Variants in SUPT3H observed in about 807,000 individuals in gnomAD.
SUPT3H encodes the protein SPT3 homolog, SAGA and STAGA complex component, also known as transcription initiation protein SPT3 homolog.
In SUPT3H, 44 loss-of-function variants were observed where a neutral mutation model predicts 44.3. The ratio of observed to expected loss-of-function variants is 0.99; its 90% CI spans 0.78 to 1.28. SUPT3H has a LOEUF of 1.28. Among genes scored for constraint, SUPT3H ranks in the 50% most tolerant of loss-of-function variants. The pLI, the probability that SUPT3H is intolerant of heterozygous loss-of-function variation, is 0.00. For missense variants in SUPT3H, 380 were observed against 387.1 expected (o/e 0.98, Z 0.15); for synonymous variants, 124 against 125.6 (o/e 0.99, Z 0.09).
chr6:45,274,285 A>C (rs1041751545), intron 2 of SUPT3H, among the ~76,000 whole-genome samples: 11 of 152,216 alleles, frequency 7.2e-5, no homozygotes, highest in Admixed American at 7.2e-4. Flanking sequence ...AAAAACTTTT[A>C]ATTACAATGA....
In SUPT3H at chr6:45,328,169, G is replaced by C. The variant is rs1199866410; in HGVS notation, c.101+37032C>G. ...AAGCCTTTTGTGAGAGAAAGAGAGAGAGAGAAAGAGCAAGGGGGAAAAGCC... is the reference window on the plus strand; with the variant it reads ...AAGCCTTTTGTGAGAGAAAGAGAGACAGAGAAAGAGCAAGGGGGAAAAGCC... On this transcript the variant is annotated intron_variant, in intron 2 of 10. Transcript: ENST00000371459. 7 of 765,120 alleles carry C rather than the reference G, an allele frequency of 9.1e-6. No individual in the cohort carries two copies. In the African/African-American group the frequency reaches 9.2e-5, roughly 10 times the overall value. 47.4% of individuals were successfully genotyped at this position (765,120 alleles called of 1,614,324 possible).
chr6:44,984,591 T>A (rs964523836), intron 6 of SUPT3H, among the ~76,000 whole-genome samples: 2 of 152,150 alleles, frequency 1.3e-5, no homozygotes, highest in Non-Finnish European at 1.5e-5. Context: ...AGTCTCTACA[T>A]GAATCCATGA....
chr6:44,815,328 TAA>T (rs1457224088), intron 11 of SUPT3H, among the ~76,000 whole-genome samples: 1 of 152,208 alleles, frequency 6.6e-6, no homozygotes, highest in Non-Finnish European at 1.5e-5. Context: ...ATGATGAGGA[TAA>T]GATTGTAGAT....
At chr6:45,061,136 T>C (rs1036070353) in intron 3 of SUPT3H, among the ~76,000 whole-genome samples, 2 of 152,112 alleles carry the variant, frequency 1.3e-5, no homozygotes, top group East Asian at 1.9e-4. Context: ...ATTATAAAGA[T>C]ACATGCATGT....
intron 5 of SUPT3H, among the ~76,000 whole-genome samples, chr6:45,010,690 A>C (rs1252696733): frequency 6.6e-6 from 1 of 152,096 alleles, no homozygotes; most frequent in Non-Finnish European, 1.5e-5. Flanking sequence ...AGAAGAAACA[A>C]ACTTTCTTGT....
chr6:44,952,543 C>G (rs939040950), intron 9 of SUPT3H, among the ~76,000 whole-genome samples: 1 of 152,244 alleles, frequency 6.6e-6, no homozygotes, highest in African/African-American at 2.4e-5. Context: ...TACTTCACAA[C>G]TCTACATGTA....
chr6:45,108,914 T>C (rs1799670893), intron 2 of SUPT3H, among the ~76,000 whole-genome samples: 1 of 152,108 alleles, frequency 6.6e-6, no homozygotes, highest in African/African-American at 2.4e-5. Flanking sequence ...AATATGAGTA[T>C]CTACATAGAA....
At chr6:45,243,839 T>C (rs1770844213) in intron 2 of SUPT3H, among the ~76,000 whole-genome samples, 1 of 152,214 alleles carries the variant, frequency 6.6e-6, no homozygotes, top group Non-Finnish European at 1.5e-5. Context: ...CTGTATCAGA[T>C]TACAATATAC....
intron 10 of SUPT3H, among the ~76,000 whole-genome samples, chr6:44,901,458 A>G (rs1412049702): frequency 6.6e-6 from 1 of 152,200 alleles, no homozygotes; most frequent in African/African-American, 2.4e-5. Flanking sequence ...TGAAGCGAGA[A>G]GAGAAGTTTA....
chr6:45,284,543 G>A (rs867097890), intron 2 of SUPT3H, among the ~76,000 whole-genome samples: 1 of 152,086 alleles, frequency 6.6e-6, no homozygotes, highest in Non-Finnish European at 1.5e-5. Context: ...GACTAAACGA[G>A]GAAGAAGTTG....
At chr6:45,016,506 A>T (rs1240777454) in intron 4 of SUPT3H, among the ~76,000 whole-genome samples, 1 of 68,504 alleles carries the variant, frequency 1.5e-5, no homozygotes, top group Non-Finnish European at 2.6e-5. Flanking sequence ...CCCCCACCCC[A>T]CAACAGTCCC....
intron 2 of SUPT3H, among the ~76,000 whole-genome samples, chr6:45,120,439 AAAG>A (rs1801487243): frequency 6.7e-6 from 1 of 148,596 alleles, no homozygotes; most frequent in Non-Finnish European, 1.5e-5. Flanking sequence ...AAAAAAAAAA[AAAG>A]ACTATATAAG....
At chr6:45,137,941 A>T (rs1804576872) in intron 2 of SUPT3H, among the ~76,000 whole-genome samples, 3 of 152,072 alleles carry the variant, frequency 2.0e-5, no homozygotes. Flanking sequence ...TGCCAAAAAG[A>T]GGGAGAAATT....
intron 6 of SUPT3H, among the ~76,000 whole-genome samples, chr6:44,997,042 G>T (rs995224977): frequency 1.1e-4 from 17 of 151,790 alleles, no homozygotes; most frequent in African/African-American, 4.1e-4. Flanking sequence ...TAGTTTCATG[G>T]AATCTTATAT....
intron 3 of SUPT3H, among the ~76,000 whole-genome samples, chr6:45,094,682 AT>A (rs1018897512): frequency 2.6e-5 from 4 of 152,010 alleles, no homozygotes; most frequent in African/African-American, 9.7e-5. Context: ...GTTACTTATT[AT>A]TTTTTTAAAA....
At chr6:45,107,240 A>C (rs1799409025) in intron 2 of SUPT3H, among the ~76,000 whole-genome samples, 1 of 152,226 alleles carries the variant, frequency 6.6e-6, no homozygotes, top group African/African-American at 2.4e-5. Flanking sequence ...GATGAAAAAA[A>C]GAGTTCTATA....
intron 11 of SUPT3H, among the ~76,000 whole-genome samples, chr6:44,812,074 T>C (rs553785951): frequency 6.6e-6 from 1 of 152,240 alleles, no homozygotes; most frequent in Non-Finnish European, 1.5e-5. Context: ...AAAATACAAA[T>C]GCAGTTGTGT....
chr6:44,886,507 C>T (rs1762317703), intron 10 of SUPT3H, among the ~76,000 whole-genome samples: 1 of 152,168 alleles, frequency 6.6e-6, no homozygotes, highest in Non-Finnish European at 1.5e-5. Context: ...ATTTCATATA[C>T]AGCCAAACTA....
At chr6:45,181,627 A>C (rs1813214828) in intron 2 of SUPT3H, among the ~76,000 whole-genome samples, 1 of 150,224 alleles carries the variant, frequency 6.7e-6, no homozygotes, top group Non-Finnish European at 1.5e-5. Context: ...CAAAAAACCA[A>C]ACACCGCATA....
Sources: allele counts gnomAD v4.1 joint callset (sites outside exome capture counted in the v4.1 genomes callset), GRCh38; gene constraint gnomAD v4.1.1; transcripts MANE v1.5; gene names NCBI Gene and HGNC (gene_info 2026-07-23, HGNC 2026-07-21).